Variants in GARIN2 observed in about 807,000 individuals in gnomAD.
GARIN2 encodes the protein golgi associated RAB2 interactor family member 2.
At chr14:67,225,300 A>C in the GARIN2 span, 1 of 1,356,888 alleles carries the variant, frequency 7.4e-7, no homozygotes, top group East Asian at 2.7e-5. Context: ...ATAGGAATAC[A>C]TGATAGCTAT....
At chr14:67,215,879 C>G in the GARIN2 span, among the ~76,000 whole-genome samples, 56 of 152,206 alleles carry the variant, frequency 3.7e-4, no homozygotes, top group African/African-American at 1.3e-3. Flanking sequence ...ATCAAAATCT[C>G]ACAAAGTTAA....
the GARIN2 span, among the ~76,000 whole-genome samples, chr14:67,192,830 C>CTA: frequency 1.8e-3 from 246 of 139,546 alleles, 1 homozygote; most frequent in African/African-American, 5.8e-3. Context: ...ATGTACAGAT[C>CTA]TATATATATA....
chr14:67,210,061 A>G, the GARIN2 span, among the ~76,000 whole-genome samples: 2 of 152,164 alleles, frequency 1.3e-5, no homozygotes, highest in African/African-American at 4.8e-5. Context: ...GTCACTGTAA[A>G]TGGTTGTCAA....
chr14:67,201,501 A>T, the GARIN2 span: 1 of 455,998 alleles, frequency 2.2e-6, no homozygotes, highest in East Asian at 7.0e-5. Flanking sequence ...TATTCATCTC[A>T]TCCTGGTGGC....
the GARIN2 span, chr14:67,198,439 A>G: frequency 1.1e-6 from 1 of 931,340 alleles, no homozygotes; most frequent in Non-Finnish European, 1.6e-6. Flanking sequence ...GTGATACTAC[A>G]AAAGAGAACA....
At chr14:67,208,026 C>T in the GARIN2 span, 12 of 467,262 alleles carry the variant, frequency 2.6e-5, no homozygotes, top group Non-Finnish European at 2.8e-5. Flanking sequence ...GCCGCCAACA[C>T]ACCCGGGGCT....
chr14:67,193,966 GA>G, the GARIN2 span, among the ~76,000 whole-genome samples: 17 of 93,582 alleles, frequency 1.8e-4, no homozygotes, highest in Admixed American at 4.6e-4. Context: ...AAAAAAAAAC[GA>G]AAAACAAAAA....
chr14:67,212,805 A>T, the GARIN2 span, among the ~76,000 whole-genome samples: 1 of 151,818 alleles, frequency 6.6e-6, no homozygotes, highest in South Asian at 2.1e-4. Context: ...GGTGATCCTT[A>T]GGAGAGCCAC....
At chr14:67,195,255 C>T in the GARIN2 span, among the ~76,000 whole-genome samples, 3 of 152,166 alleles carry the variant, frequency 2.0e-5, no homozygotes, top group Non-Finnish European at 2.9e-5. Context: ...GGAAGAGGGG[C>T]GAGACCCAGT....
the GARIN2 span, among the ~76,000 whole-genome samples, chr14:67,198,558 C>T: frequency 6.6e-6 from 1 of 152,212 alleles, no homozygotes; most frequent in South Asian, 2.1e-4. Context: ...ACCATAATTG[C>T]CATTCCATCA....
the GARIN2 span, chr14:67,204,456 A>C: frequency 7.3e-7 from 1 of 1,361,282 alleles, no homozygotes; most frequent in Non-Finnish European, 9.6e-7. Context: ...CAAACAAACA[A>C]ATATATATAT....
At chr14:67,202,559 A>G in the GARIN2 span, among the ~76,000 whole-genome samples, 9 of 152,238 alleles carry the variant, frequency 5.9e-5, no homozygotes, top group Non-Finnish European at 1.2e-4. Context: ...TGTTGTCTAT[A>G]CTTCTAAGGT....
At chr14:67,213,991 C>T in the GARIN2 span, among the ~76,000 whole-genome samples, 52 of 152,220 alleles carry the variant, frequency 3.4e-4, no homozygotes, top group African/African-American at 7.9e-4. Flanking sequence ...TCATGTCCTT[C>T]GCCCACTTTT....
At chr14:67,193,102 C>A in the GARIN2 span, among the ~76,000 whole-genome samples, 1 of 142,162 alleles carries the variant, frequency 7.0e-6, no homozygotes, top group Non-Finnish European at 1.5e-5. Context: ...CTCTATATAT[C>A]TCTATATAGA....
At chr14:67,210,791 T>C in the GARIN2 span, among the ~76,000 whole-genome samples, 1 of 152,014 alleles carries the variant, frequency 6.6e-6, no homozygotes, top group Non-Finnish European at 1.5e-5. Context: ...GGGATGCAGA[T>C]AGCTTGAGTC....
At chr14:67,225,197 A>C in the GARIN2 span, 1 of 1,548,882 alleles carries the variant, frequency 6.5e-7, no homozygotes, top group African/African-American at 1.4e-5. Flanking sequence ...CAAGGGAATG[A>C]ATGTGAGGAA....
At chr14:67,223,831 C>T in the GARIN2 span, 2 of 985,794 alleles carry the variant, frequency 2.0e-6, no homozygotes, top group South Asian at 9.4e-5. Flanking sequence ...ACCTGTTCCC[C>T]TTCCATACAC....
chr14:67,224,460 T>C, the GARIN2 span, among the ~76,000 whole-genome samples: 4 of 151,874 alleles, frequency 2.6e-5, no homozygotes, highest in East Asian at 7.7e-4. Context: ...TGGGGTTTCA[T>C]TGTGTTAGCC....
At chr14:67,201,504 C>T in the GARIN2 span, 1 of 455,906 alleles carries the variant, frequency 2.2e-6, no homozygotes, top group African/African-American at 2.0e-5. Context: ...TCATCTCATC[C>T]TGGTGGCTCT....
Sources: gnomAD v4.1 joint callset for allele counts (sites outside exome capture counted in the v4.1 genomes callset) on GRCh38, gnomAD v4.1.1 for gene constraint, MANE v1.5 for transcripts, NCBI Gene and HGNC (gene_info 2026-07-23, HGNC 2026-07-21) for gene names.